The following CD4 variants were observed in gnomAD, a reference collection of about 807,000 sequenced individuals.
CD4 encodes the protein T-cell surface glycoprotein CD4.
In CD4, 25 loss-of-function variants were observed where a neutral mutation model predicts 50.5. That is an observed-to-expected ratio of 0.49 (90% CI 0.36 to 0.69). The LOEUF (loss-of-function observed/expected upper bound fraction) is 0.69, where lower values mean the gene tolerates loss of function less well. CD4 is among the 30% of genes least tolerant of loss of function. The pLI, the probability that CD4 is intolerant of heterozygous loss-of-function variation, is 0.00. For missense variants in CD4, 456 were observed against 548.5 expected (o/e 0.83, Z 1.68); for synonymous variants, 207 against 221.9 (o/e 0.93, Z 0.60).
intron 3 of CD4, among the ~76,000 whole-genome samples, chr12:6,803,838 G>A (rs782336364): frequency 2.0e-5 from 3 of 151,324 alleles, no homozygotes; most frequent in African/African-American, 4.8e-5. Flanking sequence ...AAGGTCAGGA[G>A]TGGTGGCTCA....
intron 1 of CD4, among the ~76,000 whole-genome samples, chr12:6,793,901 C>A (rs1375069230): frequency 6.6e-5 from 10 of 151,318 alleles, no homozygotes; most frequent in African/African-American, 2.4e-4. Flanking sequence ...GATCTGCCTG[C>A]CTCGGCCTCC....
chr12:6,800,793 T>C (rs1006000758), intron 3 of CD4, among the ~76,000 whole-genome samples: 12 of 152,190 alleles, frequency 7.9e-5, no homozygotes. Context: ...GCACAGTGAC[T>C]CATATGTATA....
At chr12:6,815,747 C>T in intron 5 of CD4, 1 of 1,382,226 alleles carries the variant, frequency 7.2e-7, no homozygotes, top group Non-Finnish European at 9.5e-7. Flanking sequence ...GAATACGCCT[C>T]TAAGGAGTGG....
chr12:6,812,874 C>A (rs782219802), intron 3 of CD4, among the ~76,000 whole-genome samples: 29 of 68,338 alleles, frequency 4.2e-4, no homozygotes, highest in Non-Finnish European at 6.1e-4. Flanking sequence ...GCAAACTCTG[C>A]CTCCCAGTCT....
chr12:6,816,123 C>A lies in CD4; in HGVS notation c.675C>A (p.Leu225=). The A allele has an allele frequency of 6.2e-7, 1 of 1,614,210 alleles. No homozygotes were observed. Among genetic ancestry groups the A allele is most frequent in the Non-Finnish European group, 8.5e-7 (1 of 1,180,026 alleles). The part of the protein sequence containing the change: ...EGEQVEFSFP[L]AFTVEKLTGS... ...AACAGGTGGAGTTCTCCTTCCCACT[C>A]GCCTTTACAGTTGAAAAGCTGACGG... Residue 225 remains leucine (L), a synonymous_variant, in exon 6 of 10, where the codon CTC becomes CTA. Transcript: ENST00000011653. The surrounding 1 kb of genome is among the most constrained non-coding windows in gnomAD (Gnocchi z 4.9).
At chr12:6,812,454 C>T (rs752572117) in intron 3 of CD4, among the ~76,000 whole-genome samples, 16 of 152,098 alleles carry the variant, frequency 1.1e-4, no homozygotes, top group East Asian at 1.9e-4. Flanking sequence ...CCAAGGCGAG[C>T]GGATCACCTG....
chr12:6,818,789 G>T lies in CD4; in HGVS notation c.1279-58G>T. On this transcript the variant is annotated intron_variant, in intron 8 of 9. Transcript: ENST00000011653. This position sits in a 1 kb window ranked among gnomAD's most constrained non-coding sequence, Gnocchi z 5.0. ...GCTTCCCCCACTCCCCCCACCAAGGGGCACCTCCCTTCTGGAGGCCTGGGA... is the reference window on the plus strand; with the variant it reads ...GCTTCCCCCACTCCCCCCACCAAGGTGCACCTCCCTTCTGGAGGCCTGGGA... 1 of 1,486,276 alleles carries T rather than the reference G, an allele frequency of 6.7e-7. No homozygotes were observed. Among genetic ancestry groups the T allele is most frequent in the Non-Finnish European group, 9.4e-7 (1 of 1,063,512 alleles). 92.1% of individuals were successfully genotyped at this position (1,486,276 alleles called of 1,614,324 possible).
chr12:6,814,176 A>T lies in CD4; in HGVS notation c.249A>T (p.Arg83Ser). Residue 83 changes from arginine to serine, a missense_variant, in exon 4 of 10, where the codon AGA (arginine) becomes AGT (serine). Arg to Ser is a moderately radical substitution (Grantham distance 110, BLOSUM62 -1). Transcript: ENST00000011653. Reference sequence around the variant, plus strand: ...AGCTGAATGATCGCGCTGACTCAAGAAGAAGCCTTTGGGACCAAGGAAACT... The same window carrying T: ...AGCTGAATGATCGCGCTGACTCAAGTAGAAGCCTTTGGGACCAAGGAAACT... ...PSKLNDRADS[R>S]RSLWDQGNFP... 1 of 1,614,100 alleles carries T rather than the reference A, an allele frequency of 6.2e-7. No individual in the cohort carries two copies. Among genetic ancestry groups the T allele is most frequent in the Non-Finnish European group, 8.5e-7 (1 of 1,179,986 alleles).
At chr12:6,815,078 T>G (rs1400011362) in intron 5 of CD4, 86 bp downstream of exon 5, 79 of 940,078 alleles carry the variant, frequency 8.4e-5, no homozygotes, top group Non-Finnish European at 1.2e-4. Context: ...CTGTTTCTGG[T>G]TCTGGTGCTG....
At position 6,815,883 on chromosome 12, in the gene CD4, A is replaced by T. The variant is rs1565500372; in HGVS notation, c.608-173A>T. 6.6e-6 allele frequency: 10 copies of T among 1,521,772 alleles called. No individual in the cohort carries two copies. In the South Asian group the frequency reaches 1.1e-4, roughly 17 times the overall value. 94.3% of individuals were successfully genotyped at this position (1,521,772 alleles called of 1,614,324 possible). On this transcript the variant is annotated intron_variant, in intron 5 of 9. Coordinates refer to ENST00000011653, the MANE Select transcript of CD4 (RefSeq NM_000616.5). ...CTGTAGGAAAATGCTGGGTGGAAGAAGGGAGAGAAGGCTGGAGAGGTAGGA... is the reference window on the plus strand; with the variant it reads ...CTGTAGGAAAATGCTGGGTGGAAGATGGGAGAGAAGGCTGGAGAGGTAGGA...
intron 9 of CD4, 134 bp downstream of exon 9, chr12:6,819,048 C>G (rs12298133): frequency 2.1e-5 from 13 of 628,152 alleles, no homozygotes; most frequent in African/African-American, 1.1e-4. Context: ...GGAGGAAGAG[C>G]TGGGAGGGGT....
intron 3 of CD4, among the ~76,000 whole-genome samples, chr12:6,804,681 C>T (rs782279298): frequency 6.6e-6 from 1 of 152,038 alleles, no homozygotes; most frequent in African/African-American, 2.4e-5. Flanking sequence ...AAGACCAGCC[C>T]GGGCAACATA....
At chr12:6,804,345 AG>A (rs1555115844) in intron 3 of CD4, among the ~76,000 whole-genome samples, 1 of 218 alleles carries the variant, frequency 4.6e-3, no homozygotes, top group African/African-American at 0.017. Context: ...CAATAAGGCA[AG>A]AAAAATGAAA....
chr12:6,810,099 A>G (rs1555116787), intron 3 of CD4, among the ~76,000 whole-genome samples: 1 of 152,138 alleles, frequency 6.6e-6, no homozygotes, highest in African/African-American at 2.4e-5. Context: ...CATGTTGGCC[A>G]GGCTGGTCTT....
intron 3 of CD4, among the ~76,000 whole-genome samples, chr12:6,807,084 G>A (rs1211891734): frequency 6.6e-6 from 1 of 152,028 alleles, no homozygotes; most frequent in Non-Finnish European, 1.5e-5. Context: ...GGAGAATGGT[G>A]TGAACCCGGG....
At position 6,818,706 on chromosome 12, in the gene CD4, G is replaced by A; in HGVS notation, c.1279-141G>A. 1 of 1,187,654 alleles carries A rather than the reference G, an allele frequency of 8.4e-7. No individual in the cohort carries two copies. The highest frequency in any genetic ancestry group is 1.2e-6 in the Non-Finnish European group (1 of 806,398). 73.6% of individuals were successfully genotyped at this position (1,187,654 alleles called of 1,614,324 possible). On this transcript the variant is annotated intron_variant, in intron 8 of 9. Transcript: ENST00000011653. This position sits in a 1 kb window ranked among gnomAD's most constrained non-coding sequence, Gnocchi z 5.0. The stretch of plus-strand genomic sequence containing the variant: ...CCACTCAAGGGAGAGACAGGAAGGA[G>A]CAGAGAGTTAATTCCAGGATAGATG...
Position 6,800,439 on chromosome 12 carries a change from T to C in CD4, c.182T>C (p.Ile61Thr), listed in dbSNP as rs1555115080. Residue 61 changes from isoleucine (I) to threonine (T), a missense_variant, in exon 3 of 10, where the codon ATT becomes ACT. Physicochemically the swap from Ile to Thr is moderately conservative, Grantham distance 89. Transcript: ENST00000011653. ...TGGAAAAACTCCAACCAGATAAAGA[T>C]TCTGGGAAATCAGGGCTCCTTCTTA... ...FHWKNSNQIK[I>T]LGNQGSFLTK... is the part of the protein sequence containing the mutation. 1 of 1,613,812 alleles carries C rather than the reference T, an allele frequency of 6.2e-7. No homozygotes were observed. The highest frequency in any genetic ancestry group is 8.5e-7 in the Non-Finnish European group (1 of 1,179,926).
At chr12:6,801,121 G>T (rs10128774) in intron 3 of CD4, among the ~76,000 whole-genome samples, 4 of 151,090 alleles carry the variant, frequency 2.6e-5, no homozygotes, top group African/African-American at 7.3e-5. Context: ...GGCCAGGCTG[G>T]TCTCGAACTC....
rs1016449655 is a variant in CD4, at chr12:6,797,918, G to C, written c.-67-2154G>C. ...CAGATGCCTTCCTCTTATCTCAACCGAATAGAGGCCTTCCTCCTTCACTAA... is the reference window on the plus strand; with the variant it reads ...CAGATGCCTTCCTCTTATCTCAACCCAATAGAGGCCTTCCTCCTTCACTAA... On this transcript the variant is annotated intron_variant, in intron 1 of 9. Coordinates refer to ENST00000011653, the MANE Select transcript of CD4 (RefSeq NM_000616.5). 3.3e-5 allele frequency among the ~76,000 whole-genome samples: 5 copies of C among 152,194 alleles called. No individual in the cohort carries two copies. In the East Asian group the frequency reaches 7.7e-4, roughly 24 times the overall value.
Sources: allele counts gnomAD v4.1 joint callset (sites outside exome capture counted in the v4.1 genomes callset), GRCh38; gene constraint gnomAD v4.1.1; non-coding constraint Gnocchi (gnomAD v3.1); transcripts MANE v1.5; gene names NCBI Gene and HGNC (gene_info 2026-07-23, HGNC 2026-07-21).